The following SCYL2 variants were observed in gnomAD, a reference collection of about 807,000 sequenced individuals.
SCYL2 encodes the protein SCY1-like protein 2.
Under a neutral mutation model 100.4 loss-of-function variants are expected in SCYL2, and 36 were observed. The ratio of observed to expected loss-of-function variants is 0.36; its 90% confidence interval spans 0.27 to 0.47. The LOEUF is 0.47. Ranked by LOEUF, SCYL2 falls within the 20% of genes least tolerant of loss-of-function variation. The pLI is 1.00. For synonymous variants in SCYL2, 330 were observed against 359.2 expected (o/e 0.92, Z 0.92); for missense variants, 902 against 1,083.9 (o/e 0.83, Z 2.36).
intron 6 of SCYL2, among the ~76,000 whole-genome samples, chr12:100,312,890 G>A (rs969213882): frequency 1.3e-5 from 2 of 152,190 alleles, no homozygotes; most frequent in African/African-American, 2.4e-5. Context: ...GACCCAAGGC[G>A]GGTGGATCAC....
At chr12:100,273,910 A>G (rs2096290050) in intron 1 of SCYL2, among the ~76,000 whole-genome samples, 1 of 152,222 alleles carries the variant, frequency 6.6e-6, no homozygotes, top group Admixed American at 6.5e-5. Flanking sequence ...TTTAATATAT[A>G]GCTTGTCAGG....
chr12:100,317,020 T>C (rs974797746), intron 9 of SCYL2, among the ~76,000 whole-genome samples: 3 of 150,714 alleles, frequency 2.0e-5, no homozygotes, highest in African/African-American at 7.3e-5. Flanking sequence ...ACCTGAGCCC[T>C]GGGAGGTCGA....
At chr12:100,310,218 C>T (rs1456118269) in intron 4 of SCYL2, among the ~76,000 whole-genome samples, 3 of 152,088 alleles carry the variant, frequency 2.0e-5, no homozygotes, top group African/African-American at 4.8e-5. Flanking sequence ...AGGCTGGTCT[C>T]GAACTCCTGA....
chr12:100,278,629 T>C (rs2096294940), intron 1 of SCYL2, among the ~76,000 whole-genome samples: 1 of 144,546 alleles, frequency 6.9e-6, no homozygotes, highest in Non-Finnish European at 1.5e-5. Flanking sequence ...TTGGGGAAAT[T>C]CTTTTTTTTT....
chr12:100,290,833 G>T (rs1396151436), intron 2 of SCYL2, among the ~76,000 whole-genome samples: 2 of 152,022 alleles, frequency 1.3e-5, no homozygotes, highest in Non-Finnish European at 2.9e-5. Flanking sequence ...GTTAAGAGTG[G>T]GTAACTAGAT....
rs76891700 is a variant in SCYL2 at position 100,271,216 on chromosome 12, G to A, written c.-29+3424G>A. On this transcript the variant is annotated intron_variant, in intron 1 of 17. Transcript: ENST00000360820. Reference sequence around the variant, plus strand: ...TGTATATTTCAAGAATACATCTTAAGGCCAACTCTGGCCTTAAAGTTAGCC... The same window carrying A: ...TGTATATTTCAAGAATACATCTTAAAGCCAACTCTGGCCTTAAAGTTAGCC... Among the ~76,000 whole-genome samples, 124 of 137,468 alleles carry A rather than the reference G, an allele frequency of 9.0e-4. 2 individuals carry two copies. In the East Asian group the frequency reaches 0.024, roughly 26 times the overall value. 90.2% of individuals were successfully genotyped at this position (137,468 alleles called of 152,430 possible).
chr12:100,338,909 C>G lies in SCYL2; in HGVS notation c.2527C>G (p.Leu843Val). The G allele has an allele frequency of 6.2e-7, 1 of 1,614,176 alleles. No individual in the cohort carries two copies. ...RPTDMSALNN[L>V]FGPQKPKVSM... ...CACAGATATGTCTGCCCTTAATAAT[C>G]TCTTTGGCCCTCAGAAACCCAAAGT... Residue 843 changes from leucine (L) to valine (V), a missense_variant, in exon 18 of 18, where the codon CTC becomes GTC. Transcript: ENST00000360820.
At position 100,311,077 on chromosome 12, in the gene SCYL2, G is replaced by A; in HGVS notation, c.514G>A (p.Val172Met). 1 of 1,601,874 alleles carries A rather than the reference G, an allele frequency of 6.2e-7. No individual in the cohort carries two copies. Among genetic ancestry groups the A allele is most frequent in the Non-Finnish European group, 8.5e-7 (1 of 1,175,266 alleles). Residue 172 changes from valine to methionine, a missense_variant, in exon 5 of 18, where the codon GTG becomes ATG. Val to Met is a conservative substitution (Grantham distance 21, BLOSUM62 1). Coordinates refer to ENST00000360820, the MANE Select transcript of SCYL2 (RefSeq NM_017988.6). ...AGGATTGTCATTCTTGCATAGCAGTGTGAAAATGGTGCATGGAAATATCAC... is the reference window on the plus strand; with the variant it reads ...AGGATTGTCATTCTTGCATAGCAGTATGAAAATGGTGCATGGAAATATCAC... ...SEGLSFLHSSVKMVHGNITPE... is the reference protein window; with the variant it reads ...SEGLSFLHSSMKMVHGNITPE...
chr12:100,326,737 T>A lies in SCYL2; in HGVS notation c.1625T>A (p.Val542Asp), dbSNP rs763229982. 1.2e-6 allele frequency: 2 copies of A among 1,607,984 alleles called. No homozygotes were observed. The highest frequency in any genetic ancestry group is 8.5e-7 in the Non-Finnish European group (1 of 1,178,472). ...LQQIPSKEPA[V>D]LMGILGIYKC... ...CAAATTCCATCCAAGGAACCTGCGGTCCTCATGGGAATTTTAGGTAGCTGA... is the reference window on the plus strand; with the variant it reads ...CAAATTCCATCCAAGGAACCTGCGGACCTCATGGGAATTTTAGGTAGCTGA... The change falls in exon 12 of 18, where the codon GTC becomes GAC. Residue 542 changes from valine (V) to aspartate (D), a missense_variant. Physicochemically the swap from Val to Asp is radical, Grantham distance 152. Coordinates refer to ENST00000360820, the MANE Select transcript of SCYL2 (RefSeq NM_017988.6).
chr12:100,275,746 C>T (rs2096291853), intron 1 of SCYL2, among the ~76,000 whole-genome samples: 2 of 152,142 alleles, frequency 1.3e-5, no homozygotes, highest in Non-Finnish European at 2.9e-5. Context: ...GGTATACTTA[C>T]CTTGTTCTGA....
At chr12:100,268,037 A>G (rs1416837740) in intron 1 of SCYL2, among the ~76,000 whole-genome samples, 1 of 152,116 alleles carries the variant, frequency 6.6e-6, no homozygotes, top group Non-Finnish European at 1.5e-5. Context: ...AGCTTGCAAA[A>G]ACTTATTGGA....
rs1244844229 is a variant in SCYL2 at position 100,339,229 on chromosome 12, T to G, written c.*57T>G. The G allele has an allele frequency of 6.6e-7, 1 of 1,518,220 alleles. No individual in the cohort carries two copies. Among genetic ancestry groups the G allele is most frequent in the Non-Finnish European group, 8.9e-7 (1 of 1,121,462 alleles). 94.0% of individuals were successfully genotyped at this position (1,518,220 alleles called of 1,614,324 possible). A position where few individuals can be genotyped will look rare whatever the true frequency, so the allele number is the denominator to read the frequency against. ...CAGTTTCAATCATGGGTGAGCTGAT[T>G]TACATCTTTATATAGTTGGCTTGGA... is the stretch of plus-strand genomic sequence containing the variant. On this transcript the variant is annotated 3_prime_UTR_variant, in exon 18 of 18. Coordinates refer to ENST00000360820, the MANE Select transcript of SCYL2 (RefSeq NM_017988.6).
At position 100,311,024 on chromosome 12, in the gene SCYL2, T is replaced by C; in HGVS notation, c.481-20T>C. 1.3e-6 allele frequency: 2 copies of C among 1,525,444 alleles called. No individual in the cohort carries two copies. Among genetic ancestry groups the C allele is most frequent in the Non-Finnish European group, 1.8e-6 (2 of 1,141,534 alleles). The allele number at this position is 1,525,444 out of a possible 1,614,324, so 94.5% of individuals were successfully genotyped here. A position where few individuals can be genotyped will look rare whatever the true frequency, so the allele number is the denominator to read the frequency against. On this transcript the variant is annotated intron_variant, in intron 4 of 17. Coordinates refer to ENST00000360820, the MANE Select transcript of SCYL2 (RefSeq NM_017988.6). Reference sequence around the variant, plus strand: ...GAAAGGAGTTTTATTTAGTGTAAAATGTGTTTTTTCCATTTACAGGTTTCT... The same window carrying C: ...GAAAGGAGTTTTATTTAGTGTAAAACGTGTTTTTTCCATTTACAGGTTTCT...
At chr12:100,311,386 A>G (rs2096341989) in intron 5 of SCYL2, among the ~76,000 whole-genome samples, 193 bp downstream of exon 5, 1 of 152,194 alleles carries the variant, frequency 6.6e-6, no homozygotes, top group Non-Finnish European at 1.5e-5. Context: ...TATTTGAGAA[A>G]AGGATGCCAG....
At chr12:100,334,141 C>G (rs1398862547) in intron 13 of SCYL2, 25 bp from the exon 14 acceptor site, 1 of 1,271,842 alleles carries the variant, frequency 7.9e-7, no homozygotes, top group South Asian at 1.2e-5. Flanking sequence ...AACATTGTAA[C>G]CATATCAATT....
At chr12:100,278,642 T>G (rs943529638) in intron 1 of SCYL2, among the ~76,000 whole-genome samples, 2 of 150,728 alleles carry the variant, frequency 1.3e-5, no homozygotes, top group African/African-American at 4.9e-5. Context: ...TTTTTTTTTT[T>G]TTTTTTGAGA....
At chr12:100,299,131 A>G (rs933971198) in intron 4 of SCYL2, among the ~76,000 whole-genome samples, 6 of 152,036 alleles carry the variant, frequency 3.9e-5, no homozygotes, top group African/African-American at 1.4e-4. Flanking sequence ...GCTACTCAGG[A>G]GGCTGAGTCA....
At chr12:100,337,236 G>A (rs1952289609) in intron 16 of SCYL2, 151 bp from the exon 17 acceptor site, 2 of 882,074 alleles carry the variant, frequency 2.3e-6, no homozygotes, top group African/African-American at 3.5e-5. Flanking sequence ...ATAGTAATTT[G>A]AAATACAGCT....
chr12:100,335,579 T>C, intron 14 of SCYL2, 46 bp from the exon 15 acceptor site: 1 of 1,370,798 alleles, frequency 7.3e-7, no homozygotes, highest in Non-Finnish European at 1.0e-6. Context: ...TATTTAAAAA[T>C]ATGCATTTCT....
Sources: allele counts gnomAD v4.1 joint callset (sites outside exome capture counted in the v4.1 genomes callset), GRCh38; gene constraint gnomAD v4.1.1; transcripts MANE v1.5; gene names NCBI Gene and HGNC (gene_info 2026-07-23, HGNC 2026-07-21).